SAMD3: variants seen among roughly 807,000 people sequenced by gnomAD.
SAMD3 encodes sterile alpha motif domain-containing protein 3.
Under a neutral mutation model 58.5 loss-of-function variants are expected in SAMD3, and 63 were observed. That is an observed-to-expected ratio of 1.08 (90% CI 0.88 to 1.33). SAMD3 has a LOEUF of 1.33. Ranked by LOEUF, SAMD3 falls within the 40% of genes most tolerant of loss-of-function variation. The pLI is 0.00. For missense variants in SAMD3, 604 were observed against 608.4 expected (o/e 0.99, Z 0.08); for synonymous variants, 220 against 210.3 (o/e 1.05, Z -0.40).
chr6:130,264,920 C>T (rs1774284369), intron 2 of SAMD3, among the ~76,000 whole-genome samples: 2 of 152,072 alleles, frequency 1.3e-5, no homozygotes, highest in Admixed American at 1.3e-4. Flanking sequence ...GGCCAGTGGC[C>T]TATCTCTCAA....
At chr6:130,151,035 G>A (rs1409565011) in intron 9 of SAMD3, among the ~76,000 whole-genome samples, 1 of 152,078 alleles carries the variant, frequency 6.6e-6, no homozygotes, top group East Asian at 1.9e-4. Context: ...GCAACACTGT[G>A]TGAAGTCTCG....
chr6:130,147,880 T>G (rs1788777271), intron 9 of SAMD3, among the ~76,000 whole-genome samples: 1 of 152,200 alleles, frequency 6.6e-6, no homozygotes, highest in Admixed American at 6.5e-5. Flanking sequence ...CCTTGGAAGT[T>G]TTATGATATT....
chr6:130,353,859 G>T (rs553161234), intron 1 of SAMD3, among the ~76,000 whole-genome samples: 3 of 151,990 alleles, frequency 2.0e-5, no homozygotes, highest in Non-Finnish European at 2.9e-5. Context: ...CACAGCAAAA[G>T]AAACTATCAA....
intron 7 of SAMD3, among the ~76,000 whole-genome samples, chr6:130,177,178 A>G (rs907331315): frequency 1.3e-5 from 2 of 152,226 alleles, no homozygotes; most frequent in East Asian, 1.9e-4. Context: ...GTAAGCTGAG[A>G]GTGTGCGTTT....
At chr6:130,303,184 C>A (rs1425745283) in intron 2 of SAMD3, among the ~76,000 whole-genome samples, 1 of 152,096 alleles carries the variant, frequency 6.6e-6, no homozygotes, top group Non-Finnish European at 1.5e-5. Context: ...TGTTCAGGGG[C>A]AGCATGTCTC....
intron 1 of SAMD3, among the ~76,000 whole-genome samples, chr6:130,343,137 T>C (rs988630873): frequency 2.6e-5 from 4 of 151,718 alleles, no homozygotes; most frequent in Non-Finnish European, 5.9e-5. Context: ...GTCTGCATTA[T>C]CAATAAACAC....
chr6:130,215,326 C>G (rs1795940282), intron 2 of SAMD3, 32 bp from the exon 3 acceptor site: 1 of 1,413,976 alleles, frequency 7.1e-7, no homozygotes, highest in Non-Finnish European at 9.5e-7. Flanking sequence ...AATTCTCCAG[C>G]TTTTCTTTCT....
intron 2 of SAMD3, among the ~76,000 whole-genome samples, chr6:130,312,558 G>A (rs565247178): frequency 2.6e-5 from 4 of 152,246 alleles, no homozygotes; most frequent in African/African-American, 9.6e-5. Flanking sequence ...CATTCAGTCT[G>A]GAACTCAGCA....
chr6:130,352,651 C>G (rs1170339648), intron 1 of SAMD3, among the ~76,000 whole-genome samples: 2 of 152,098 alleles, frequency 1.3e-5, no homozygotes, highest in Non-Finnish European at 2.9e-5. Flanking sequence ...CTAGAACTTG[C>G]CCTTCCAGTG....
At chr6:130,164,124 A>G (rs537226155) in intron 8 of SAMD3, among the ~76,000 whole-genome samples, 1 of 152,076 alleles carries the variant, frequency 6.6e-6, no homozygotes, top group African/African-American at 2.4e-5. Flanking sequence ...ACCTCTCTAA[A>G]GAAATTGCCA....
At chr6:130,316,752 G>T (rs1776388862) in intron 1 of SAMD3, among the ~76,000 whole-genome samples, 1 of 152,170 alleles carries the variant, frequency 6.6e-6, no homozygotes, top group African/African-American at 2.4e-5. Context: ...ACCCAGGAGG[G>T]TCTGAGGGAT....
intron 1 of SAMD3, among the ~76,000 whole-genome samples, chr6:130,349,681 A>C (rs2115033968): frequency 6.6e-6 from 1 of 152,356 alleles, no homozygotes; most frequent in South Asian, 2.1e-4. Flanking sequence ...AATTATTCCA[A>C]TCAATAGAAA....
chr6:130,271,092 TG>T (rs1344139640), intron 2 of SAMD3, among the ~76,000 whole-genome samples: 1 of 151,958 alleles, frequency 6.6e-6, no homozygotes, highest in Non-Finnish European at 1.5e-5. Context: ...CTCCACCTCC[TG>T]GGCTCAAGCG....
At chr6:130,268,352 AT>A (rs1381022200) in intron 2 of SAMD3, among the ~76,000 whole-genome samples, 1 of 152,226 alleles carries the variant, frequency 6.6e-6, no homozygotes, top group African/African-American at 2.4e-5. Flanking sequence ...GAGAGAACTT[AT>A]AAGGTAAAAA....
chr6:130,328,567 A>T (rs1028522727), intron 1 of SAMD3, among the ~76,000 whole-genome samples: 1 of 152,236 alleles, frequency 6.6e-6, no homozygotes, highest in Non-Finnish European at 1.5e-5. Flanking sequence ...TTTTATTATC[A>T]GATGACTACA....
chr6:130,173,435 C>T (rs1369797955), intron 8 of SAMD3, among the ~76,000 whole-genome samples: 2 of 152,182 alleles, frequency 1.3e-5, no homozygotes, highest in African/African-American at 2.4e-5. Context: ...TAACAGATCC[C>T]TCTTCTGCAG....
intron 1 of SAMD3, among the ~76,000 whole-genome samples, chr6:130,358,800 A>T (rs955985225): frequency 1.3e-5 from 2 of 152,066 alleles, no homozygotes; most frequent in South Asian, 2.1e-4. Flanking sequence ...AAGATTCTAC[A>T]AGTTATTTTC....
At chr6:130,161,011 A>G (rs1184251492) in intron 8 of SAMD3, 1 of 152,168 alleles carries the variant, frequency 6.6e-6, no homozygotes, top group Non-Finnish European at 1.5e-5. Context: ...ATCCCTTAAG[A>G]ATTCATGCAT....
chr6:130,263,602 C>T (rs941560997), intron 2 of SAMD3, among the ~76,000 whole-genome samples: 5 of 152,208 alleles, frequency 3.3e-5, no homozygotes, highest in African/African-American at 1.2e-4. Flanking sequence ...CTCGTTTCAT[C>T]TACGCTATTA....
Sources: gnomAD v4.1 joint callset for allele counts (sites outside exome capture counted in the v4.1 genomes callset) on GRCh38, gnomAD v4.1.1 for gene constraint, MANE v1.5 for transcripts, NCBI Gene and HGNC (gene_info 2026-07-23, HGNC 2026-07-21) for gene names.